BRIP1: variants seen among roughly 807,000 people sequenced by gnomAD.
BRIP1 encodes the protein Fanconi anemia group J protein.
In BRIP1, 88 loss-of-function variants were observed where a neutral mutation model predicts 119.7. The observed-to-expected ratio is 0.74, with a 90% CI of 0.62 to 0.88. BRIP1 has a LOEUF of 0.88. Ranked by LOEUF, BRIP1 falls within the 40% of genes least tolerant of loss-of-function variation. BRIP1 has a pLI of 0.00. For missense variants in BRIP1, 1,259 were observed against 1,455.4 expected (o/e 0.87, Z 2.20); for synonymous variants, 443 against 496.5 (o/e 0.89, Z 1.43).
Position 61,682,107 on chromosome 17 carries a change from CAGAA to C in BRIP1, c.*1185_*1188del, listed in dbSNP as rs560881577. ...AAAACACAAACAAGGTCAAAATTCA[CAGAA>C]AGGATTACTGTGCCCTAAGGAAACA... On this transcript the variant is annotated 3_prime_UTR_variant, in exon 20 of 20. Transcript: ENST00000259008. This position sits in a 1 kb window ranked among gnomAD's most constrained non-coding sequence, Gnocchi z 4.9. 181 of 204,004 alleles carry C rather than the reference CAGAA, an allele frequency of 8.9e-4. No individual in the cohort carries two copies. Among genetic ancestry groups the C allele is most frequent in the African/African-American group, 3.9e-3 (171 of 43,862 alleles). 12.6% of individuals were successfully genotyped at this position (204,004 alleles called of 1,614,324 possible).
intron 14 of BRIP1, among the ~76,000 whole-genome samples, chr17:61,765,828 T>TGC (rs2077365119): frequency 2.1e-5 from 1 of 48,262 alleles, no homozygotes; most frequent in Admixed American, 1.5e-4. Flanking sequence ...ACTATATTCA[T>TGC]GCACACACAC....
At position 61,754,273 on chromosome 17, in the gene BRIP1, T is replaced by TA. The variant is rs201829351; in HGVS notation, c.2098-9683dup. Among the ~76,000 whole-genome samples the TA allele has an allele frequency of 5.7e-3, 864 of 152,292 alleles. 5 individuals are homozygous for TA. Among genetic ancestry groups the TA allele is most frequent in the African/African-American group, 0.02 (826 of 41,550 alleles). ...TCCCCATACTTCAGTCCTACTCTGC[T>TA]ACAATGGCTTCCTTTTGCTCAAACT... On this transcript the variant is annotated intron_variant, in intron 14 of 19. Transcript: ENST00000259008. The surrounding 1 kb of genome is among the most constrained non-coding windows in gnomAD (Gnocchi z 4.1).
At chr17:61,783,318 A>G (rs771795163) in intron 11 of BRIP1, among the ~76,000 whole-genome samples, 5 of 152,196 alleles carry the variant, frequency 3.3e-5, no homozygotes, top group Non-Finnish European at 5.9e-5. Context: ...CAAACATTGT[A>G]TGATCGCTCT....
rs1212655171 is a variant in BRIP1 at position 61,699,165 on chromosome 17, TA to T, written c.2493-5654del. The stretch of plus-strand genomic sequence containing the variant: ...TTATTTTCAACCTATTTGTGTTTTT[TA>T]AACTAGTGTTTCTCTTGCAGACAGC... On this transcript the variant is annotated intron_variant, in intron 17 of 19. Coordinates refer to ENST00000259008, the MANE Select transcript of BRIP1 (RefSeq NM_032043.3). The surrounding 1 kb of genome is among the most constrained non-coding windows in gnomAD (Gnocchi z 4.8). 1.3e-5 allele frequency among the ~76,000 whole-genome samples: 2 copies of T among 152,218 alleles called. No individual in the cohort carries two copies. The highest frequency in any genetic ancestry group is 4.8e-5 in the African/African-American group (2 of 41,464).
At position 61,862,591 on chromosome 17, in the gene BRIP1, T is replaced by C. The variant is rs2078986679; in HGVS notation, c.-31+693A>G. Among the ~76,000 whole-genome samples, 1 of 152,256 alleles carries C rather than the reference T, an allele frequency of 6.6e-6. No individual in the cohort carries two copies. Among genetic ancestry groups the C allele is most frequent in the Non-Finnish European group, 1.5e-5 (1 of 68,052 alleles). On this transcript the variant is annotated intron_variant, in intron 1 of 19. Transcript: ENST00000259008. The surrounding 1 kb of genome is among the most constrained non-coding windows in gnomAD (Gnocchi z 5.3). ...TCTTGAAATTGCAAGCATAAGTTTC[T>C]GTACATGATTGCATTTTTCTGAAGA...
intron 6 of BRIP1, among the ~76,000 whole-genome samples, chr17:61,818,208 A>G (rs998661643): frequency 1.1e-4 from 17 of 149,430 alleles, no homozygotes; most frequent in Admixed American, 1.0e-3. Flanking sequence ...GAGGGGGGGG[A>G]AAGATGGGCA....
chr17:61,809,562 C>T lies in BRIP1; in HGVS notation c.628-805G>A, dbSNP rs1171208028. 6.6e-6 allele frequency among the ~76,000 whole-genome samples: 1 copy of T among 151,860 alleles called. No homozygotes were observed. Among genetic ancestry groups the T allele is most frequent in the Non-Finnish European group, 1.5e-5 (1 of 67,934 alleles). On this transcript the variant is annotated intron_variant, in intron 6 of 19. Transcript: ENST00000259008. This position sits in a 1 kb window ranked among gnomAD's most constrained non-coding sequence, Gnocchi z 5.2. Reference sequence around the variant, plus strand: ...TTACCTGATTTTTCTCTTCTGTTTCCAAATTCTCAAATACTAAAAAAAAAA... The same window carrying T: ...TTACCTGATTTTTCTCTTCTGTTTCTAAATTCTCAAATACTAAAAAAAAAA...
At chr17:61,836,543 C>T (rs144711080) in intron 6 of BRIP1, among the ~76,000 whole-genome samples, 5 of 152,284 alleles carry the variant, frequency 3.3e-5, no homozygotes, top group African/African-American at 1.2e-4. Flanking sequence ...ATCTACTTAA[C>T]TATGGCCATT....
At position 61,679,801 on chromosome 17, in the gene BRIP1, A is replaced by G. The variant is rs1003759026; in HGVS notation, c.*3495T>C. On this transcript the variant is annotated 3_prime_UTR_variant, in exon 20 of 20. Transcript: ENST00000259008. The surrounding 1 kb of genome is among the most constrained non-coding windows in gnomAD (Gnocchi z 4.4). ...ATTTAAATCTGTAAACATTTCTTTT[A>G]AAAGTATGTTATCAGTAATGAAAAT... Among the ~76,000 whole-genome samples, 2 of 152,198 alleles carry G rather than the reference A, an allele frequency of 1.3e-5. No homozygotes were observed. Among genetic ancestry groups the G allele is most frequent in the African/African-American group, 2.4e-5 (1 of 41,450 alleles).
rs933571267 is a variant in BRIP1, at chr17:61,748,187, C to T, written c.2098-3596G>A. Among the ~76,000 whole-genome samples the T allele has an allele frequency of 2.0e-5, 3 of 152,154 alleles. No homozygotes were observed. Among genetic ancestry groups the T allele is most frequent in the African/African-American group, 7.2e-5 (3 of 41,430 alleles). Reference sequence around the variant, plus strand: ...GTCAGATCAGCAGCAGCATTATATTCTCATAGGGGTACAAACACTATTGTG... The same window carrying T: ...GTCAGATCAGCAGCAGCATTATATTTTCATAGGGGTACAAACACTATTGTG... On this transcript the variant is annotated intron_variant, in intron 14 of 19. Transcript: ENST00000259008. This position sits in a 1 kb window ranked among gnomAD's most constrained non-coding sequence, Gnocchi z 4.7.
In BRIP1 at chr17:61,753,770, AAAG is replaced by A. The variant is rs776456762; in HGVS notation, c.2098-9182_2098-9180del. 6.9e-3 allele frequency among the ~76,000 whole-genome samples: 1,031 copies of A among 150,078 alleles called. 6 individuals are homozygous for A. The highest frequency in any genetic ancestry group is 0.024 in the African/African-American group (988 of 40,890). ...GTATGCACTGCCATGTCTGGCTTGAAAAGAACAACAACAACAACAACAACAAAA... is the reference window on the plus strand; with the variant it reads ...GTATGCACTGCCATGTCTGGCTTGAAAACAACAACAACAACAACAACAAAA... On this transcript the variant is annotated intron_variant, in intron 14 of 19. Transcript: ENST00000259008. This position sits in a 1 kb window ranked among gnomAD's most constrained non-coding sequence, Gnocchi z 4.6.
chr17:61,752,505 ATATTTTTGT>A lies in BRIP1; in HGVS notation c.2098-7923_2098-7915del. On this transcript the variant is annotated intron_variant, in intron 14 of 19. Transcript: ENST00000259008. The surrounding 1 kb of genome is among the most constrained non-coding windows in gnomAD (Gnocchi z 6.2). ...TTAGCAAAATTATATTTCAACTTAG[ATATTTTTGT>A]CTAATACAAATACAAATCATTTCTG... Among the ~76,000 whole-genome samples, 1 of 152,348 alleles carries A rather than the reference ATATTTTTGT, an allele frequency of 6.6e-6. No individual in the cohort carries two copies. Among genetic ancestry groups the A allele is most frequent in the East Asian group, 1.9e-4 (1 of 5,188 alleles).
rs1044602665 is a variant in BRIP1, at chr17:61,823,769, C to CAT, written c.628-15013_628-15012insAT. ...CAAGCACACAATAAACACACACACA[C>CAT]ACACACACACACACACACACACACA... is the stretch of plus-strand genomic sequence containing the variant. On this transcript the variant is annotated intron_variant, in intron 6 of 19. Coordinates refer to ENST00000259008, the MANE Select transcript of BRIP1 (RefSeq NM_032043.3). The surrounding 1 kb of genome is among the most constrained non-coding windows in gnomAD (Gnocchi z 4.8). Among the ~76,000 whole-genome samples the CAT allele has an allele frequency of 5.1e-5, 7 of 137,832 alleles. No individual in the cohort carries two copies. The highest frequency in any genetic ancestry group is 7.5e-5 in the African/African-American group (3 of 40,006). The allele number at this position is 137,832 out of a possible 152,430, so 90.4% of individuals were successfully genotyped here.
intron 10 of BRIP1, among the ~76,000 whole-genome samples, chr17:61,792,173 T>C (rs1429698270): frequency 6.6e-6 from 1 of 152,174 alleles, no homozygotes; most frequent in Non-Finnish European, 1.5e-5. Flanking sequence ...CTCAAATTCC[T>C]GGGTTCAAGC....
At chr17:61,790,556 T>A (rs950312115) in intron 10 of BRIP1, among the ~76,000 whole-genome samples, 2 of 152,080 alleles carry the variant, frequency 1.3e-5, no homozygotes, top group Non-Finnish European at 2.9e-5. Context: ...CAAAAAAATA[T>A]ATATATATAT....
Position 61,794,332 on chromosome 17 carries a change from T to C in BRIP1, c.1341-603A>G, listed in dbSNP as rs1283932772. ...CAAAACAAATACATAAACAAGAAAA[T>C]GTCAGGTAGTCATGGGATACTATAT... On this transcript the variant is annotated intron_variant, in intron 9 of 19. Coordinates refer to ENST00000259008, the MANE Select transcript of BRIP1 (RefSeq NM_032043.3). This position sits in a 1 kb window ranked among gnomAD's most constrained non-coding sequence, Gnocchi z 4.3. Among the ~76,000 whole-genome samples, 1 of 151,744 alleles carries C rather than the reference T, an allele frequency of 6.6e-6. No individual in the cohort carries two copies. The highest frequency in any genetic ancestry group is 1.5e-5 in the Non-Finnish European group (1 of 67,936).
At chr17:61,698,162 A>C (rs1476517551) in intron 17 of BRIP1, among the ~76,000 whole-genome samples, 1 of 152,200 alleles carries the variant, frequency 6.6e-6, no homozygotes. Context: ...CTGTGTCCCC[A>C]AAATTTTGGG....
At chr17:61,715,462 T>C (rs2061845399) in intron 17 of BRIP1, among the ~76,000 whole-genome samples, 1 of 152,120 alleles carries the variant, frequency 6.6e-6, no homozygotes, top group African/African-American at 2.4e-5. Flanking sequence ...AAATAGATTT[T>C]GTTTCTATTT....
At position 61,831,440 on chromosome 17, in the gene BRIP1, A is replaced by G. The variant is rs2078491031; in HGVS notation, c.627+15661T>C. Among the ~76,000 whole-genome samples the G allele has an allele frequency of 6.6e-6, 1 of 152,240 alleles. No individual in the cohort carries two copies. The highest frequency in any genetic ancestry group is 2.1e-4 in the South Asian group (1 of 4,834). On this transcript the variant is annotated intron_variant, in intron 6 of 19. Coordinates refer to ENST00000259008, the MANE Select transcript of BRIP1 (RefSeq NM_032043.3). The surrounding 1 kb of genome is among the most constrained non-coding windows in gnomAD (Gnocchi z 4.1). Reference sequence around the variant, plus strand: ...ATACAAAAATGAATTCTACTTCTATAATAGTAATGAATAACTGGAAGGAAA... The same window carrying G: ...ATACAAAAATGAATTCTACTTCTATGATAGTAATGAATAACTGGAAGGAAA...
Sources: gnomAD v4.1 joint callset for allele counts (sites outside exome capture counted in the v4.1 genomes callset) on GRCh38, gnomAD v4.1.1 for gene constraint, Gnocchi (gnomAD v3.1) non-coding constraint, MANE v1.5 for transcripts, NCBI Gene and HGNC (gene_info 2026-07-23, HGNC 2026-07-21) for gene names.